The following SOX6 variants were observed in gnomAD, a reference collection of about 807,000 sequenced individuals.
SOX6 encodes SRY-box transcription factor 6.
In SOX6, 11 loss-of-function variants were observed where a neutral mutation model predicts 97.8. That is an observed-to-expected ratio of 0.11 (90% CI 0.07 to 0.19). The LOEUF (loss-of-function observed/expected upper bound fraction) is 0.19. Among genes scored for constraint, SOX6 ranks in the 10% least tolerant of loss-of-function variants. The pLI, the probability that SOX6 is intolerant of heterozygous loss-of-function variation, is 1.00. For synonymous variants in SOX6, 360 were observed against 371.4 expected (o/e 0.97, Z 0.35); for missense variants, 810 against 1,039.5 (o/e 0.78, Z 3.04).
chr11:16,524,363 A>G (rs1169688311), intron 4 of SOX6, among the ~76,000 whole-genome samples: 3 of 151,850 alleles, frequency 2.0e-5, no homozygotes, highest in South Asian at 2.1e-4. Flanking sequence ...TATAAACAGA[A>G]CCAAAGACAA....
intron 4 of SOX6, among the ~76,000 whole-genome samples, chr11:16,538,315 C>T (rs369410960): frequency 7.9e-5 from 12 of 152,108 alleles, no homozygotes; most frequent in African/African-American, 1.4e-4. Context: ...TACAAGAGCT[C>T]CTGAAGGAAG....
intron 4 of SOX6, among the ~76,000 whole-genome samples, chr11:16,541,633 C>G (rs925306835): frequency 3.9e-5 from 6 of 151,936 alleles, no homozygotes; most frequent in Admixed American, 2.0e-4. Context: ...AAAAAACAAC[C>G]CTATCAAAAA....
intron 1 of SOX6, among the ~76,000 whole-genome samples, chr11:16,442,721 T>G (rs533653785): frequency 3.9e-5 from 6 of 152,242 alleles, no homozygotes; most frequent in Non-Finnish European, 5.9e-5. Context: ...TAGCAATTTT[T>G]GCAATACATC....
intron 13 of SOX6, among the ~76,000 whole-genome samples, chr11:16,006,439 C>T (rs1854557068): frequency 6.6e-6 from 1 of 152,060 alleles, no homozygotes; most frequent in African/African-American, 2.4e-5. Context: ...CAAGTGTGTG[C>T]AAGGCTTTGT....
At chr11:16,662,435 C>A (rs1847772892) in intron 3 of SOX6, among the ~76,000 whole-genome samples, 2 of 152,226 alleles carry the variant, frequency 1.3e-5, no homozygotes, top group South Asian at 4.1e-4. Flanking sequence ...TCAAAACATT[C>A]TATTTTTCTT....
Position 16,682,850 on chromosome 11 carries a change from G to A in SOX6, n.429+31980C>T, listed in dbSNP as rs538521721. Among the ~76,000 whole-genome samples the A allele has an allele frequency of 4.1e-4, 62 of 152,222 alleles. 1 individual carries two copies. The South Asian group carries it at 9.5e-3, about 23-fold the overall frequency. ...ATATTTAGAAAACCCCATCATCTCC[G>A]CCCAAAATCTCCTTAAGCTGATAAG... On this transcript the variant is annotated intron_variant and non_coding_transcript_variant, in intron 3 of 5. Transcript: ENST00000524520.
intron 12 of SOX6, among the ~76,000 whole-genome samples, chr11:16,022,257 C>T (rs1855080700): frequency 6.6e-6 from 1 of 152,096 alleles, no homozygotes; most frequent in South Asian, 2.1e-4. Flanking sequence ...GGTCAATATC[C>T]TTTCTCCTGT....
chr11:16,256,510 T>C (rs913038083), intron 3 of SOX6, among the ~76,000 whole-genome samples: 1 of 151,762 alleles, frequency 6.6e-6, no homozygotes, highest in Non-Finnish European at 1.5e-5. Context: ...CCATTCATGG[T>C]TTAAAAAAGA....
intron 1 of SOX6, among the ~76,000 whole-genome samples, chr11:16,393,228 A>T (rs1195750820): frequency 6.6e-6 from 1 of 152,036 alleles, no homozygotes; most frequent in African/African-American, 2.4e-5. Flanking sequence ...AACATGCTTC[A>T]TTCTTTTAAC....
rs149710263 is a variant in SOX6 at position 16,373,821 on chromosome 11, GAGGAAGGA to G, written c.-4-32577_-4-32570del. ...AGAAAGGGGGAGGGAGGGAGGGAGA[GAGGAAGGA>G]AGGAAGGAAGGAAGGAAGGAAGGAA... is the stretch of plus-strand genomic sequence containing the variant. On this transcript the variant is annotated intron_variant, in intron 1 of 15. Coordinates refer to the SOX6 transcript ENST00000396356. 2.8e-3 allele frequency among the ~76,000 whole-genome samples: 294 copies of G among 105,474 alleles called. 5 individuals are homozygous for G. Among genetic ancestry groups the G allele is most frequent in the African/African-American group, 8.6e-3 (223 of 25,980 alleles). The allele number at this position is 105,474 out of a possible 152,430, so 69.2% of individuals were successfully genotyped here.
At chr11:16,549,538 T>G (rs1349346366) in intron 4 of SOX6, among the ~76,000 whole-genome samples, 1 of 152,204 alleles carries the variant, frequency 6.6e-6, no homozygotes, top group Non-Finnish European at 1.5e-5. Flanking sequence ...TGGAAACTTC[T>G]TTGGCAGTTT....
At chr11:16,585,478 G>A (rs759599883) in intron 4 of SOX6, among the ~76,000 whole-genome samples, 12 of 152,176 alleles carry the variant, frequency 7.9e-5, no homozygotes, top group Non-Finnish European at 1.2e-4. Context: ...AGAAAGTGGT[G>A]GAGTATGCTT....
chr11:16,246,738 A>G (rs1853346911), intron 3 of SOX6, among the ~76,000 whole-genome samples: 1 of 152,020 alleles, frequency 6.6e-6, no homozygotes, highest in African/African-American at 2.4e-5. Flanking sequence ...CTAAGGGATT[A>G]TATTTTTTAA....
chr11:16,015,298 A>G lies in SOX6; in HGVS notation c.1624-248T>C, dbSNP rs78807985. ...TGACAGGGAACCTGCCAGAGCTTCTATGCATATCTTCTCTCTGTCGGATTT... is the reference window on the plus strand; with the variant it reads ...TGACAGGGAACCTGCCAGAGCTTCTGTGCATATCTTCTCTCTGTCGGATTT... On this transcript the variant is annotated intron_variant, in intron 12 of 15. Transcript: ENST00000683767. The G allele has an allele frequency of 3.4e-4, 184 of 534,560 alleles. 2 individuals are homozygous for G. Among genetic ancestry groups the G allele is most frequent in the African/African-American group, 3.2e-3 (167 of 52,474 alleles). 33.1% of individuals were successfully genotyped at this position (534,560 alleles called of 1,614,324 possible). A position where few individuals can be genotyped will look rare whatever the true frequency, so the allele number is the denominator to read the frequency against.
rs573777742 is a variant in SOX6 at position 16,323,387 on chromosome 11, G to A, written c.238-4734C>T. Among the ~76,000 whole-genome samples, 19 of 152,202 alleles carry A rather than the reference G, an allele frequency of 1.2e-4. 1 individual carries two copies. The South Asian group carries it at 2.5e-3, about 20-fold the overall frequency. On this transcript the variant is annotated intron_variant, in intron 2 of 15. Coordinates refer to ENST00000683767, the MANE Select transcript of SOX6 (RefSeq NM_001367873.1). Reference sequence around the variant, plus strand: ...TATTAAAAACAAAAAACATTAAAACGAATATTGTTCAGATTTTTCAGAAGT... The same window carrying A: ...TATTAAAAACAAAAAACATTAAAACAAATATTGTTCAGATTTTTCAGAAGT...
intron 13 of SOX6, among the ~76,000 whole-genome samples, chr11:15,992,180 C>A (rs923249443): frequency 1.3e-5 from 2 of 152,168 alleles, no homozygotes; most frequent in Admixed American, 6.5e-5. Flanking sequence ...TTTCTGGTCA[C>A]CTCTTCTGTC....
At chr11:16,153,666 C>T (rs1266413885) in intron 6 of SOX6, among the ~76,000 whole-genome samples, 3 of 152,224 alleles carry the variant, frequency 2.0e-5, no homozygotes, top group South Asian at 2.1e-4. Context: ...TAATGACCAT[C>T]GAACTCTGGT....
chr11:16,111,191 C>T (rs922384555), intron 7 of SOX6, among the ~76,000 whole-genome samples: 2 of 152,094 alleles, frequency 1.3e-5, no homozygotes, highest in Non-Finnish European at 2.9e-5. Flanking sequence ...CCCAGGAGTC[C>T]AGTAAACTCC....
intron 2 of SOX6, among the ~76,000 whole-genome samples, chr11:16,719,464 A>G (rs1298432133): frequency 6.6e-6 from 1 of 152,232 alleles, no homozygotes; most frequent in African/African-American, 2.4e-5. Flanking sequence ...AAACCCAGTT[A>G]TCAGTTTTGC....
Sources: allele counts gnomAD v4.1 joint callset (sites outside exome capture counted in the v4.1 genomes callset), GRCh38; gene constraint gnomAD v4.1.1; transcripts MANE v1.5; gene names NCBI Gene and HGNC (gene_info 2026-07-23, HGNC 2026-07-21).